The following CHADL variants were observed in gnomAD, a reference collection of about 807,000 sequenced individuals.
CHADL encodes chondroadherin like, also known as chondroadherin-like protein.
In CHADL, 48 loss-of-function variants were observed where a neutral mutation model predicts 52.1. The ratio of observed to expected loss-of-function variants is 0.92; its 90% CI spans 0.73 to 1.17. The LOEUF (loss-of-function observed/expected upper bound fraction) is 1.17, where lower values mean the gene tolerates loss of function less well. Among genes scored for constraint, CHADL ranks in the 50% most tolerant of loss-of-function variants. The pLI is 0.00. For missense variants in CHADL, 977 were observed against 1,035.1 expected, an observed-to-expected ratio of 0.94 and a Z score of 0.77; for synonymous variants, 498 against 511.2, an observed-to-expected ratio of 0.97 and a Z score of 0.35.
rs953758577 is a variant in CHADL at position 41,238,222 on chromosome 22, C to T, written c.850G>A (p.Asp284Asn). Reference protein sequence around the residue: ...FAHCPRLHTLDLRGNQLDTLP... With the variant: ...FAHCPRLHTLNLRGNQLDTLP... ...GTGTCTAGCTGGTTCCCGCGGAGGT[C>T]GAGGGTGTGCAGGCGCGGACAGTGT... The change falls in exon 3 of 6, where the codon GAC (aspartate) becomes AAC (asparagine). Residue 284 changes from aspartate (D) to asparagine (N), a missense_variant. By Grantham distance (23) the Asp-to-Asn change is conservative. Transcript: ENST00000216241. This position sits in a 1 kb window ranked among gnomAD's most constrained non-coding sequence, Gnocchi z 4.9. 3.9e-6 allele frequency: 6 copies of T among 1,527,506 alleles called. No homozygotes were observed. The highest frequency in any genetic ancestry group is 5.2e-6 in the Non-Finnish European group (6 of 1,144,176). The allele number at this position is 1,527,506 out of a possible 1,614,324, so 94.6% of individuals were successfully genotyped here. A position where few individuals can be genotyped will look rare whatever the true frequency, so the allele number is the denominator to read the frequency against.
intron 4 of CHADL, 42 bp from the exon 5 acceptor site, chr22:41,235,385 T>C (rs1250685768): frequency 1.3e-6 from 2 of 1,515,042 alleles, no homozygotes; most frequent in South Asian, 1.2e-5. Flanking sequence ...GTGCTGATTC[T>C]GCTCCAGTGG....
intron 4 of CHADL, among the ~76,000 whole-genome samples, chr22:41,235,907 T>C (rs1245304228): frequency 1.3e-5 from 2 of 152,178 alleles, no homozygotes; most frequent in Non-Finnish European, 2.9e-5. Context: ...AGTCTCACTC[T>C]GTCGCCCAGG....
Position 41,237,828 on chromosome 22 carries a change from C to G in CHADL, c.1244G>C (p.Gly415Ala). The change falls in exon 3 of 6, where the codon GGC (glycine) becomes GCC (alanine). Residue 415 changes from glycine to alanine, a missense_variant. By Grantham distance (60) the Gly-to-Ala change is moderately conservative. Coordinates refer to ENST00000216241, the MANE Select transcript of CHADL (RefSeq NM_138481.2). ...GAAGCCGCGGGGCACCGCCTGCAGG[C>G]CGCAGCCCTCGCAGCTGCTGTGCCG... ...ESRHSSCEGC[G>A]LQAVPRGFPS... The G allele has an allele frequency of 1.4e-6, 2 of 1,474,368 alleles. No homozygotes were observed. The highest frequency in any genetic ancestry group is 1.8e-6 in the Non-Finnish European group (2 of 1,115,104). 91.3% of individuals were successfully genotyped at this position (1,474,368 alleles called of 1,614,324 possible).
At chr22:41,232,576 G>A (rs2032642467) in intron 5 of CHADL, among the ~76,000 whole-genome samples, 1 of 152,236 alleles carries the variant, frequency 6.6e-6, no homozygotes, top group Non-Finnish European at 1.5e-5. Context: ...AGAGCCCTCT[G>A]CCTTGAATTC....
rs8135045 is a variant in CHADL, at chr22:41,232,128, C to T, written c.2263-2398G>A. Among the ~76,000 whole-genome samples, 316 of 151,472 alleles carry T rather than the reference C, an allele frequency of 2.1e-3. 2 individuals carry two copies. Among genetic ancestry groups the T allele is most frequent in the Non-Finnish European group, 2.7e-3 (185 of 67,680 alleles). ...CGGGCGGATCACAAGGTCAGGAGAT[C>T]GAGACCATCCTGGCTAACACGATGA... On this transcript the variant is annotated intron_variant, in intron 5 of 5. Coordinates refer to ENST00000216241, the MANE Select transcript of CHADL (RefSeq NM_138481.2).
In CHADL at chr22:41,235,331, C is replaced by G. The variant is rs1330633050; in HGVS notation, c.2076G>C (p.Gly692=). 4 of 1,550,542 alleles carry G rather than the reference C, an allele frequency of 2.6e-6. No homozygotes were observed. Among genetic ancestry groups the G allele is most frequent in the African/African-American group, 1.4e-5 (1 of 73,058 alleles). ...QLLPLHRWLT[G]LNLRVGATCA... is the part of the protein sequence containing the mutation. ...AGGTGGCCCCCACCCGCAGGTTCAG[C>G]CCAGTAAGCCACCTGAAGAGAAAAG... Residue 692 remains glycine (G), a synonymous_variant, in exon 5 of 6, where the codon GGG becomes GGC. Coordinates refer to ENST00000216241, the MANE Select transcript of CHADL (RefSeq NM_138481.2).
In CHADL at chr22:41,237,666, A is replaced by T. The variant is rs1304242282; in HGVS notation, c.1406T>A (p.Leu469Gln). ...CGIAELEAGA[L>Q]AGLGRLIYLY... ...GTAGATCAGGCGGCCCAGCCCGGCC[A>T]GGGCGCCCGCTTCCAGCTCCGCGAT... The change falls in exon 3 of 6, where the codon CTG (leucine) becomes CAG (glutamine). Residue 469 changes from leucine (L) to glutamine (Q), a missense_variant. Transcript: ENST00000216241. The T allele has an allele frequency of 1.4e-5, 21 of 1,543,358 alleles. No homozygotes were observed. The highest frequency in any genetic ancestry group is 1.8e-5 in the Non-Finnish European group (21 of 1,142,228).
At position 41,238,191 on chromosome 22, in the gene CHADL, G is replaced by A; in HGVS notation, c.881C>T (p.Pro294Leu). ...DLRGNQLDTL[P>L]PLQGPGQLRR... is the part of the protein sequence containing the mutation. ...CAGCTGGCCCGGGCCCTGCAGCGGG[G>A]GCAGGGTGTCTAGCTGGTTCCCGCG... Residue 294 changes from proline (P) to leucine (L), a missense_variant, in exon 3 of 6, where the codon CCC becomes CTC. By Grantham distance (98) the Pro-to-Leu change is moderately conservative. Coordinates refer to ENST00000216241, the MANE Select transcript of CHADL (RefSeq NM_138481.2). The surrounding 1 kb of genome is among the most constrained non-coding windows in gnomAD (Gnocchi z 4.9). 4 of 1,513,712 alleles carry A rather than the reference G, an allele frequency of 2.6e-6. No individual in the cohort carries two copies. The highest frequency in any genetic ancestry group is 2.6e-6 in the Non-Finnish European group (3 of 1,138,458). 93.8% of individuals were successfully genotyped at this position (1,513,712 alleles called of 1,614,324 possible). A position where few individuals can be genotyped will look rare whatever the true frequency, so the allele number is the denominator to read the frequency against.
Position 41,238,499 on chromosome 22 carries a change from G to T in CHADL, c.573C>A (p.His191Gln). ...CGGGGGCCAGCACGCTGAGCGCGTT[G>T]TGCGACAGCCGCAGCCAGCGGACGC... ...LLRVRWLRLS[H>Q]NALSVLAPEA... The change falls in exon 3 of 6, where the codon CAC (histidine) becomes CAA (glutamine). Residue 191 changes from histidine to glutamine, a missense_variant. Physicochemically the swap from His to Gln is conservative, Grantham distance 24. Transcript: ENST00000216241. This position sits in a 1 kb window ranked among gnomAD's most constrained non-coding sequence, Gnocchi z 4.9. 1 of 1,539,868 alleles carries T rather than the reference G, an allele frequency of 6.5e-7. No homozygotes were observed. The highest frequency in any genetic ancestry group is 8.7e-7 in the Non-Finnish European group (1 of 1,144,328).
chr22:41,236,902 T>G (rs1190504531), intron 3 of CHADL, among the ~76,000 whole-genome samples: 2 of 152,166 alleles, frequency 1.3e-5, no homozygotes, highest in Non-Finnish European at 2.9e-5. Context: ...TTGGGGGCTC[T>G]CAATATGTAC....
At position 41,237,612 on chromosome 22, in the gene CHADL, C is replaced by A; in HGVS notation, c.1460G>T (p.Gly487Val). ...CCCTTCAAGGGCAGCAGCGCTGAGGCCTGCGAGCTGGTTGTCGGAGAGGTA... is the reference window on the plus strand; with the variant it reads ...CCCTTCAAGGGCAGCAGCGCTGAGGACTGCGAGCTGGTTGTCGGAGAGGTA... ...YLYLSDNQLA[G>V]LSAAALEGAP... Residue 487 changes from glycine to valine, a missense_variant, in exon 3 of 6, where the codon GGC (glycine) becomes GTC (valine). Transcript: ENST00000216241. 6.4e-7 allele frequency: 1 copy of A among 1,550,448 alleles called. No individual in the cohort carries two copies. Among genetic ancestry groups the A allele is most frequent in the Non-Finnish European group, 8.7e-7 (1 of 1,146,886 alleles).
At chr22:41,239,292 A>G (rs1315420856) in intron 2 of CHADL, 151 bp downstream of exon 2, 3 of 671,166 alleles carry the variant, frequency 4.5e-6, no homozygotes, top group African/African-American at 1.8e-5. Context: ...CCCATTTTAC[A>G]GAAGTGTAAA....
At chr22:41,237,147 A>G (rs2145636117) in intron 3 of CHADL, 29 bp downstream of exon 3, 2 of 1,515,290 alleles carry the variant, frequency 1.3e-6, no homozygotes, top group East Asian at 4.9e-5. Context: ...CGCCTCCTGC[A>G]CCAACCCCGC....
rs2032851229 is a variant in CHADL at position 41,240,893 on chromosome 22, C to T, written c.-12G>A. 2 of 1,549,732 alleles carry T rather than the reference C, an allele frequency of 1.3e-6. No individual in the cohort carries two copies. The highest frequency in any genetic ancestry group is 1.7e-6 in the Non-Finnish European group (2 of 1,146,706). On this transcript the variant is annotated 5_prime_UTR_variant, in exon 1 of 6. Coordinates refer to ENST00000216241, the MANE Select transcript of CHADL (RefSeq NM_138481.2). ...ACTCACCCCTCCATGCCGCCTGGAA[C>T]TGCTGGTCCAGCCTGGAGGCGCAGC...
At chr22:41,232,524 A>G (rs1208103447) in intron 5 of CHADL, among the ~76,000 whole-genome samples, 1 of 152,060 alleles carries the variant, frequency 6.6e-6, no homozygotes, top group African/African-American at 2.4e-5. Context: ...GCAGGCGAGC[A>G]TCTCCAGCCG....
intron 5 of CHADL, among the ~76,000 whole-genome samples, chr22:41,232,539 C>G (rs1247861289): frequency 6.6e-6 from 1 of 152,148 alleles, no homozygotes; most frequent in Non-Finnish European, 1.5e-5. Context: ...CAGCCGGGAA[C>G]AATGCCAGTG....
At chr22:41,239,321 T>C (rs896266275) in intron 2 of CHADL, 122 bp downstream of exon 2, 79 of 820,800 alleles carry the variant, frequency 9.6e-5, no homozygotes, top group Non-Finnish European at 1.3e-4. Flanking sequence ...CAAAGAGAAG[T>C]AATTTGCCAA....
At chr22:41,236,351 G>T in intron 4 of CHADL, 133 bp downstream of exon 4, 1 of 729,760 alleles carries the variant, frequency 1.4e-6, no homozygotes, top group Non-Finnish European at 2.3e-6. Context: ...TACATGCCTG[G>T]CTCTCACAGG....
chr22:41,232,974 G>A (rs181132928), intron 5 of CHADL, among the ~76,000 whole-genome samples: 1 of 152,260 alleles, frequency 6.6e-6, no homozygotes, highest in Admixed American at 6.5e-5. Context: ...CTTTTCAGGA[G>A]TTCCTTCCCG....
Sources: gnomAD v4.1 joint callset for allele counts (sites outside exome capture counted in the v4.1 genomes callset) on GRCh38, gnomAD v4.1.1 for gene constraint, Gnocchi (gnomAD v3.1) non-coding constraint, MANE v1.5 for transcripts, NCBI Gene and HGNC (gene_info 2026-07-23, HGNC 2026-07-21) for gene names.